The following PDE2A variants were observed in gnomAD, a reference collection of about 807,000 sequenced individuals.
PDE2A encodes phosphodiesterase 2A.
Under a neutral mutation model 133.6 loss-of-function variants are expected in PDE2A, and 53 were observed. The ratio of observed to expected loss-of-function variants is 0.40; its 90% CI spans 0.32 to 0.50. The LOEUF (loss-of-function observed/expected upper bound fraction) is 0.50. Among genes scored for constraint, PDE2A ranks in the 20% least tolerant of loss-of-function variants. The probability of loss-of-function intolerance (pLI) is 0.73; values close to 1 mark genes in which losing one functional copy is unlikely to be tolerated. For missense variants in PDE2A, 796 were observed against 1,232.4 expected (o/e 0.65, Z 5.30); for synonymous variants, 491 against 490.2 (o/e 1.00, Z -0.02).
At chr11:72,637,963 G>T (rs952165531) in intron 2 of PDE2A, among the ~76,000 whole-genome samples, 48 of 152,220 alleles carry the variant, frequency 3.2e-4, no homozygotes, top group African/African-American at 1.2e-3. Context: ...CATCAGCACC[G>T]ATGCCATGGT....
chr11:72,578,595 G>T lies in PDE2A; in HGVS notation c.2470-81C>A, dbSNP rs1855569448. On this transcript the variant is annotated intron_variant, in intron 28 of 30. Coordinates refer to ENST00000334456, the MANE Select transcript of PDE2A (RefSeq NM_002599.5). The surrounding 1 kb of genome is among the most constrained non-coding windows in gnomAD (Gnocchi z 4.2). ...CCTCTGACAGCCCGTTCCCAGGAGA[G>T]AAAACTGAGGCCCAGGGATTCAGTC... 6 of 1,212,740 alleles carry T rather than the reference G, an allele frequency of 4.9e-6. No individual in the cohort carries two copies. Among genetic ancestry groups the T allele is most frequent in the Non-Finnish European group, 6.1e-6 (5 of 818,012 alleles). The allele number at this position is 1,212,740 out of a possible 1,614,324, so 75.1% of individuals were successfully genotyped here. A position where few individuals can be genotyped will look rare whatever the true frequency, so the allele number is the denominator to read the frequency against.
In PDE2A at chr11:72,578,676, AG is replaced by A. The variant is rs2135266989; in HGVS notation, c.2470-163del. On this transcript the variant is annotated intron_variant, in intron 28 of 30. Transcript: ENST00000334456. The surrounding 1 kb of genome is among the most constrained non-coding windows in gnomAD (Gnocchi z 4.2). ...GCTTGGCAGTGGGATGGCCTGAGGCAGGGAGTGGCTGGGTTGGGGCCCACCT... is the reference window on the plus strand; with the variant it reads ...GCTTGGCAGTGGGATGGCCTGAGGCAGGAGTGGCTGGGTTGGGGCCCACCT... 6.6e-6 allele frequency among the ~76,000 whole-genome samples: 1 copy of A among 152,326 alleles called. No individual in the cohort carries two copies. Among genetic ancestry groups the A allele is most frequent in the South Asian group, 2.1e-4 (1 of 4,828 alleles).
intron 1 of PDE2A, among the ~76,000 whole-genome samples, chr11:72,673,275 T>A (rs2135470533): frequency 1.3e-5 from 2 of 152,068 alleles, no homozygotes; most frequent in Middle Eastern, 3.4e-3. Context: ...CACATGCGAA[T>A]AAACTCTCAC....
At chr11:72,627,767 C>T (rs1438974027) in intron 2 of PDE2A, among the ~76,000 whole-genome samples, 1 of 152,258 alleles carries the variant, frequency 6.6e-6, no homozygotes, top group Non-Finnish European at 1.5e-5. Flanking sequence ...ATGCCCCCAT[C>T]CCAGCTAAGG....
intron 2 of PDE2A, among the ~76,000 whole-genome samples, chr11:72,626,149 G>T (rs1372851304): frequency 6.6e-6 from 1 of 152,252 alleles, no homozygotes; most frequent in East Asian, 1.9e-4. Flanking sequence ...GTCTTCTCTG[G>T]GTATAAGTCC....
rs556835098 is a variant in PDE2A, at chr11:72,602,399, C to A, written c.323+2739G>T. On this transcript the variant is annotated intron_variant, in intron 4 of 30. Transcript: ENST00000334456. ...CTCCTTATCTGTCTCTATGATCCAG[C>A]CTCCACGCCACACCTGCTGCTGTTT... Among the ~76,000 whole-genome samples, 4 of 152,284 alleles carry A rather than the reference C, an allele frequency of 2.6e-5. No individual in the cohort carries two copies. The South Asian group carries it at 8.3e-4, about 32-fold the overall frequency.
chr11:72,596,705 C>A, intron 5 of PDE2A, 57 bp from the exon 6 acceptor site: 1 of 1,159,096 alleles, frequency 8.6e-7, no homozygotes, highest in Non-Finnish European at 1.2e-6. Flanking sequence ...TCAGAGATAC[C>A]GAGCCGGGAC....
chr11:72,580,037 G>C (rs556469320), intron 25 of PDE2A: 6 of 205,114 alleles, frequency 2.9e-5, no homozygotes, highest in East Asian at 2.3e-4. Context: ...CTTATCTCAG[G>C]GGGGCAGAGG....
chr11:72,590,906 T>G lies in PDE2A; in HGVS notation c.550-326A>C, dbSNP rs1254867864. The G allele has an allele frequency of 2.8e-6, 1 of 359,388 alleles. No homozygotes were observed. Among genetic ancestry groups the G allele is most frequent in the Non-Finnish European group, 5.0e-6 (1 of 201,912 alleles). The allele number at this position is 359,388 out of a possible 1,614,324, so 22.3% of individuals were successfully genotyped here. A position where few individuals can be genotyped will look rare whatever the true frequency, so the allele number is the denominator to read the frequency against. ...GTAAGTCCTTGTTAAAGTCACAAAA[T>G]CATAAAGTCTCAGGCATGAAAGAGC... On this transcript the variant is annotated intron_variant, in intron 7 of 30. Coordinates refer to ENST00000334456, the MANE Select transcript of PDE2A (RefSeq NM_002599.5). This position sits in a 1 kb window ranked among gnomAD's most constrained non-coding sequence, Gnocchi z 4.8.
At chr11:72,580,775 C>G in intron 24 of PDE2A, 111 bp downstream of exon 24, 1 of 956,514 alleles carries the variant, frequency 1.0e-6, no homozygotes, top group Non-Finnish European at 1.7e-6. Context: ...CCTCCTGTGT[C>G]TAAACCTGGC....
chr11:72,655,500 T>C (rs1234057949), intron 1 of PDE2A, among the ~76,000 whole-genome samples: 4 of 151,910 alleles, frequency 2.6e-5, no homozygotes, highest in African/African-American at 7.3e-5. Flanking sequence ...TGTGTGTGTG[T>C]GTGCACGCAC....
At chr11:72,622,786 T>C (rs1248376970) in intron 2 of PDE2A, among the ~76,000 whole-genome samples, 1 of 152,166 alleles carries the variant, frequency 6.6e-6, no homozygotes, top group East Asian at 1.9e-4. Context: ...ACAGTGTGAA[T>C]GTACCTACCA....
chr11:72,669,009 C>G, intron 1 of PDE2A: 1 of 992,678 alleles, frequency 1.0e-6, no homozygotes, highest in Non-Finnish European at 1.2e-6. Flanking sequence ...CAGTAGCTAA[C>G]CTTTGTGAGC....
intron 1 of PDE2A, among the ~76,000 whole-genome samples, chr11:72,644,736 T>A (rs1228975666): frequency 1.9e-5 from 1 of 51,364 alleles, no homozygotes; most frequent in East Asian, 5.3e-4. Flanking sequence ...TTATTTTATT[T>A]TATTTTATTT....
chr11:72,586,616 A>C (rs1855985370), intron 13 of PDE2A, among the ~76,000 whole-genome samples: 1 of 152,154 alleles, frequency 6.6e-6, no homozygotes, highest in Non-Finnish European at 1.5e-5. Flanking sequence ...GCCTCCAGAA[A>C]TCTTAGGGTG....
At chr11:72,625,782 C>G (rs1024821482) in intron 2 of PDE2A, among the ~76,000 whole-genome samples, 1 of 152,208 alleles carries the variant, frequency 6.6e-6, no homozygotes, top group Non-Finnish European at 1.5e-5. Flanking sequence ...CCCACAGACT[C>G]CCCCCAGCAA....
At chr11:72,636,819 T>C (rs942263386) in intron 2 of PDE2A, among the ~76,000 whole-genome samples, 1 of 152,178 alleles carries the variant, frequency 6.6e-6, no homozygotes, top group African/African-American at 2.4e-5. Flanking sequence ...CTCCACACCA[T>C]GGTCCAGGGA....
At chr11:72,661,753 G>A (rs1272213305) in intron 1 of PDE2A, among the ~76,000 whole-genome samples, 1 of 152,222 alleles carries the variant, frequency 6.6e-6, no homozygotes, top group African/African-American at 2.4e-5. Flanking sequence ...GACTATCTTG[G>A]CATCTGTGTA....
intron 1 of PDE2A, among the ~76,000 whole-genome samples, chr11:72,649,639 C>T (rs1854670183): frequency 1.3e-5 from 2 of 152,232 alleles, no homozygotes; most frequent in African/African-American, 4.8e-5. Context: ...TCCTCTGCCC[C>T]ATCTGAACCC....
Sources: allele counts gnomAD v4.1 joint callset (sites outside exome capture counted in the v4.1 genomes callset), GRCh38; gene constraint gnomAD v4.1.1; non-coding constraint Gnocchi (gnomAD v3.1); transcripts MANE v1.5; gene names NCBI Gene and HGNC (gene_info 2026-07-23, HGNC 2026-07-21).